Variants in PI4K2B observed in about 807,000 individuals in gnomAD.
PI4K2B encodes the protein phosphatidylinositol 4-kinase type 2 beta.
In PI4K2B, 46 loss-of-function variants were observed where a neutral mutation model predicts 56.6. The observed-to-expected ratio is 0.81, with a 90% CI of 0.64 to 1.04. The LOEUF (loss-of-function observed/expected upper bound fraction) is 1.04. Among genes scored for constraint, PI4K2B ranks in the 50% least tolerant of loss-of-function variants. The pLI is 0.00. For missense variants in PI4K2B, 556 were observed against 607.7 expected (o/e 0.91, Z 0.89); for synonymous variants, 211 against 223.8 (o/e 0.94, Z 0.51).
intron 9 of PI4K2B, among the ~76,000 whole-genome samples, chr4:25,275,490 C>G (rs1433516105): frequency 6.6e-6 from 1 of 151,910 alleles, no homozygotes; most frequent in Non-Finnish European, 1.5e-5. Context: ...AAAGCGAAAC[C>G]CTGTCTCTCC....
In PI4K2B at chr4:25,269,196, G is replaced by T. The variant is rs1486269884; in HGVS notation, c.1265G>T (p.Arg422Met). Residue 422 changes from arginine to methionine, a missense_variant, in exon 9 of 10, where the codon AGG becomes ATG. Transcript: ENST00000264864. The stretch of plus-strand genomic sequence containing the variant: ...TTTGAAAGTCAGATGTCTGTGATGA[G>T]GGGTCAGGTAAGTTACCTTTTTATT... ...ATFESQMSVM[R>M]GQILNLTQAL... 6.5e-7 allele frequency: 1 copy of T among 1,548,778 alleles called. No homozygotes were observed. The highest frequency in any genetic ancestry group is 2.2e-5 in the East Asian group (1 of 44,454).
chr4:25,260,635 TATATATAC>T (rs758263589), intron 6 of PI4K2B, 44 bp downstream of exon 6: 997 of 58,532 alleles, frequency 0.017, 20 homozygotes, highest in African/African-American at 0.054. Flanking sequence ...TATATATATA[TATATATAC>T]ACACACACAC....
At chr4:25,256,936 G>A (rs1728492076) in intron 4 of PI4K2B, among the ~76,000 whole-genome samples, 1 of 150,434 alleles carries the variant, frequency 6.6e-6, no homozygotes, top group Non-Finnish European at 1.5e-5. Context: ...TGCATGAAAG[G>A]CTTATAAAGT....
intron 1 of PI4K2B, among the ~76,000 whole-genome samples, chr4:25,235,602 T>C (rs1050769765): frequency 6.6e-6 from 1 of 152,200 alleles, no homozygotes; most frequent in Non-Finnish European, 1.5e-5. Flanking sequence ...GATGGATGCA[T>C]TGACGTTTAA....
chr4:25,276,946 TA>T (rs1209399743), intron 9 of PI4K2B, 67 bp from the exon 10 acceptor site: 7 of 1,465,376 alleles, frequency 4.8e-6, no homozygotes, highest in Non-Finnish European at 6.4e-6. Flanking sequence ...ATAAATGGTT[TA>T]AAAAATGTCA....
chr4:25,251,554 C>T (rs1251832667), intron 1 of PI4K2B, among the ~76,000 whole-genome samples: 1 of 152,164 alleles, frequency 6.6e-6, no homozygotes, highest in East Asian at 1.9e-4. Flanking sequence ...CGTGGGGGAG[C>T]AGTCCTTTGT....
chr4:25,236,939 C>G (rs552920440), intron 1 of PI4K2B, among the ~76,000 whole-genome samples: 1 of 152,130 alleles, frequency 6.6e-6, no homozygotes, highest in Non-Finnish European at 1.5e-5. Context: ...TTTTAAATGA[C>G]TCCATTAACT....
intron 2 of PI4K2B, among the ~76,000 whole-genome samples, chr4:25,254,662 C>T (rs1716188738): frequency 1.3e-5 from 2 of 152,078 alleles, no homozygotes; most frequent in South Asian, 4.2e-4. Flanking sequence ...ATCCGCCCGC[C>T]TCGGCCTCCC....
chr4:25,243,722 A>G (rs1560367626), intron 1 of PI4K2B, among the ~76,000 whole-genome samples: 1 of 152,320 alleles, frequency 6.6e-6, no homozygotes, highest in East Asian at 1.9e-4. Flanking sequence ...TAGCCGCTCG[A>G]GGAAGGCAGA....
chr4:25,265,921 T>A (rs537949385), intron 7 of PI4K2B, among the ~76,000 whole-genome samples: 125 of 152,368 alleles, frequency 8.2e-4, no homozygotes, highest in African/African-American at 2.9e-3. Flanking sequence ...AGGAAATTAA[T>A]GATCACTGTG....
chr4:25,240,499 T>G (rs1443963743), intron 1 of PI4K2B, among the ~76,000 whole-genome samples: 1 of 152,146 alleles, frequency 6.6e-6, no homozygotes, highest in African/African-American at 2.4e-5. Context: ...GGGTATTAAT[T>G]GTATGGCTCT....
Position 25,260,536 on chromosome 4 carries a change from ATAATT to A in PI4K2B, c.924_928del (p.Asp308GlufsTer11). The A allele has an allele frequency of 6.9e-7, 1 of 1,447,230 alleles. No individual in the cohort carries two copies. The highest frequency in any genetic ancestry group is 9.2e-7 in the Non-Finnish European group (1 of 1,089,338). The allele number at this position is 1,447,230 out of a possible 1,614,324, so 89.6% of individuals were successfully genotyped here. On this transcript the variant is annotated frameshift_variant, in exon 6 of 10. Transcript: ENST00000264864. LOFTEE classifies it high-confidence loss of function. ...TTTGTTTTGAAAGACAGGGGCAATG[ATAATT>A]GGTTAGTCAGATACGAAAAGCAGAA... is the stretch of plus-strand genomic sequence containing the variant.
intron 9 of PI4K2B, among the ~76,000 whole-genome samples, chr4:25,270,659 A>C (rs904637236): frequency 1.3e-5 from 2 of 152,198 alleles, no homozygotes; most frequent in Non-Finnish European, 2.9e-5. Flanking sequence ...CCTCACCTTT[A>C]GTTAAAGGTT....
chr4:25,244,375 T>C (rs1379640771), intron 1 of PI4K2B, among the ~76,000 whole-genome samples: 3 of 152,186 alleles, frequency 2.0e-5, no homozygotes, highest in Non-Finnish European at 4.4e-5. Context: ...CTGTGGGATG[T>C]AAGTTGTAAG....
chr4:25,243,489 CT>C (rs921067748), intron 1 of PI4K2B, among the ~76,000 whole-genome samples: 2 of 152,216 alleles, frequency 1.3e-5, no homozygotes, highest in African/African-American at 4.8e-5. Flanking sequence ...CGGCCTTTCT[CT>C]GATCTTGCTT....
At chr4:25,273,890 T>C (rs959739572) in intron 9 of PI4K2B, among the ~76,000 whole-genome samples, 7 of 152,226 alleles carry the variant, frequency 4.6e-5, no homozygotes, top group African/African-American at 1.7e-4. Context: ...TCTTGCCGTT[T>C]TGCCCCTCTC....
chr4:25,267,124 A>T (rs1716692694), intron 7 of PI4K2B, among the ~76,000 whole-genome samples: 2 of 152,188 alleles, frequency 1.3e-5, no homozygotes, highest in African/African-American at 4.8e-5. Context: ...CTACAGAGAG[A>T]TTAGGTAGCA....
In PI4K2B at chr4:25,277,307, G is replaced by T; in HGVS notation, c.*120G>T. 1 of 1,228,694 alleles carries T rather than the reference G, an allele frequency of 8.1e-7. No individual in the cohort carries two copies. Among genetic ancestry groups the T allele is most frequent in the Non-Finnish European group, 1.1e-6 (1 of 940,760 alleles). 76.1% of individuals were successfully genotyped at this position (1,228,694 alleles called of 1,614,324 possible). A position where few individuals can be genotyped will look rare whatever the true frequency, so the allele number is the denominator to read the frequency against. ...AAAACCTCAATTTAAGTCTTTAAAAGGTTGTATTTTGAATGTAACCAAAAG... is the reference window on the plus strand; with the variant it reads ...AAAACCTCAATTTAAGTCTTTAAAATGTTGTATTTTGAATGTAACCAAAAG... On this transcript the variant is annotated 3_prime_UTR_variant, in exon 10 of 10. Transcript: ENST00000264864.
At chr4:25,237,322 G>A (rs1252186431) in intron 1 of PI4K2B, among the ~76,000 whole-genome samples, 2 of 148,710 alleles carry the variant, frequency 1.3e-5, no homozygotes, top group Admixed American at 6.8e-5. Context: ...AACCAACCCT[G>A]TGATGTGAGT....
Sources: allele counts gnomAD v4.1 joint callset (sites outside exome capture counted in the v4.1 genomes callset), GRCh38; gene constraint gnomAD v4.1.1; transcripts MANE v1.5; gene names NCBI Gene and HGNC (gene_info 2026-07-23, HGNC 2026-07-21).